The following MED27 variants were observed in gnomAD, a reference collection of about 807,000 sequenced individuals.
MED27 encodes the protein mediator of RNA polymerase II transcription subunit 27.
Under a neutral mutation model 38.2 loss-of-function variants are expected in MED27, and 30 were observed. The observed-to-expected ratio is 0.79, with a 90% CI of 0.59 to 1.07. The LOEUF (loss-of-function observed/expected upper bound fraction) is 1.07. Among genes scored for constraint, MED27 ranks in the 50% least tolerant of loss-of-function variants. MED27 has a pLI of 0.00. For missense variants in MED27, 289 were observed against 397.5 expected, an observed-to-expected ratio of 0.73 and a Z score of 2.32; for synonymous variants, 122 against 153.5, an observed-to-expected ratio of 0.79 and a Z score of 1.52.
chr9:132,071,779 C>T (rs938927554), intron 2 of MED27, among the ~76,000 whole-genome samples: 1 of 151,710 alleles, frequency 6.6e-6, no homozygotes. Flanking sequence ...TAACACACGT[C>T]CATGAACGAG....
At position 131,889,759 on chromosome 9, in the gene MED27, T is replaced by C. The variant is rs1489869156; in HGVS notation, c.681+4126A>G. Among the ~76,000 whole-genome samples the C allele has an allele frequency of 6.6e-6, 1 of 152,144 alleles. No homozygotes were observed. Among genetic ancestry groups the C allele is most frequent in the African/African-American group, 2.4e-5 (1 of 41,422 alleles). ...ACAGCAGCAAGAAGGATAATGAAAC[T>C]TTCGAATGTGCTGGTTGCTTTGGGC... is the stretch of plus-strand genomic sequence containing the variant. On this transcript the variant is annotated intron_variant, in intron 5 of 7. Coordinates refer to ENST00000292035, the MANE Select transcript of MED27 (RefSeq NM_004269.4). This position sits in a 1 kb window ranked among gnomAD's most constrained non-coding sequence, Gnocchi z 4.2.
intron 2 of MED27, among the ~76,000 whole-genome samples, chr9:132,062,165 A>C: frequency 6.6e-6 from 1 of 152,242 alleles, no homozygotes; most frequent in East Asian, 1.9e-4. Context: ...CATCTAACTG[A>C]AAGTGTTTTG....
At position 131,889,290 on chromosome 9, in the gene MED27, G is replaced by A. The variant is rs1396317770; in HGVS notation, c.681+4595C>T. Among the ~76,000 whole-genome samples, 1 of 152,162 alleles carries A rather than the reference G, an allele frequency of 6.6e-6. No homozygotes were observed. Among genetic ancestry groups the A allele is most frequent in the Non-Finnish European group, 1.5e-5 (1 of 68,034 alleles). On this transcript the variant is annotated intron_variant, in intron 5 of 7. Coordinates refer to ENST00000292035, the MANE Select transcript of MED27 (RefSeq NM_004269.4). This position sits in a 1 kb window ranked among gnomAD's most constrained non-coding sequence, Gnocchi z 4.2. ...CATTTCTTTTCCTCTCTTATGCTCG[G>A]AGGCTAAAAGCTGCCTTTTTTATTG... is the stretch of plus-strand genomic sequence containing the variant.
intron 2 of MED27, among the ~76,000 whole-genome samples, chr9:132,068,302 A>C (rs1018946732): frequency 5.9e-5 from 9 of 152,200 alleles, no homozygotes; most frequent in Admixed American, 5.2e-4. Context: ...AGCCGGCCAA[A>C]GGACTCGGGC....
At chr9:131,903,588 G>T (rs919749187) in intron 4 of MED27, among the ~76,000 whole-genome samples, 2 of 152,214 alleles carry the variant, frequency 1.3e-5, no homozygotes, top group African/African-American at 4.8e-5. Context: ...CGGCCCACAT[G>T]CACCTGGGCT....
chr9:131,967,514 G>A (rs1230021190), intron 3 of MED27, among the ~76,000 whole-genome samples: 1 of 149,734 alleles, frequency 6.7e-6, no homozygotes, highest in Non-Finnish European at 1.5e-5. Flanking sequence ...GTTTTGAGAT[G>A]GAGTTTCGCT....
At chr9:131,914,408 C>T (rs1190798670) in intron 4 of MED27, among the ~76,000 whole-genome samples, 1 of 152,132 alleles carries the variant, frequency 6.6e-6, no homozygotes, top group Non-Finnish European at 1.5e-5. Context: ...CTGTGCAGTA[C>T]CTTCCTCTGA....
chr9:131,939,495 C>A, intron 3 of MED27, 21 bp from the exon 4 acceptor site: 1 of 1,504,902 alleles, frequency 6.6e-7, no homozygotes, highest in Non-Finnish European at 9.1e-7. Flanking sequence ...AAAAAATAAA[C>A]ATGTGTGAAC....
chr9:131,991,359 T>C (rs1355621919), intron 3 of MED27, among the ~76,000 whole-genome samples: 2 of 152,212 alleles, frequency 1.3e-5, no homozygotes, highest in African/African-American at 4.8e-5. Context: ...CTAATTTCAT[T>C]AGTTGCTGTA....
intron 2 of MED27, among the ~76,000 whole-genome samples, chr9:132,058,549 TGTTTGCTCCCCCTTCCA>T (rs1221572453): frequency 6.6e-6 from 1 of 152,238 alleles, no homozygotes; most frequent in Non-Finnish European, 1.5e-5. Flanking sequence ...AAGAAGGACA[TGTTTGCTCCCCCTTCCA>T]GTGCAATTGT....
At chr9:131,967,539 T>A (rs1348561907) in intron 3 of MED27, among the ~76,000 whole-genome samples, 1 of 151,942 alleles carries the variant, frequency 6.6e-6, no homozygotes, top group African/African-American at 2.4e-5. Flanking sequence ...TTGCCCAGGC[T>A]GGAGTGCAAT....
At chr9:132,061,508 T>C (rs1199991410) in intron 2 of MED27, among the ~76,000 whole-genome samples, 1 of 152,252 alleles carries the variant, frequency 6.6e-6, no homozygotes, top group Non-Finnish European at 1.5e-5. Context: ...TAAACTTTTA[T>C]AGAGCATAAC....
chr9:131,880,347 G>T (rs1839014675), intron 6 of MED27, among the ~76,000 whole-genome samples: 1 of 152,206 alleles, frequency 6.6e-6, no homozygotes, highest in Non-Finnish European at 1.5e-5. Flanking sequence ...TAGTTAGGAA[G>T]AGAGAGGACT....
chr9:131,930,630 CA>C (rs1459829704), intron 4 of MED27, among the ~76,000 whole-genome samples: 68 of 152,048 alleles, frequency 4.5e-4, no homozygotes, highest in African/African-American at 1.5e-3. Flanking sequence ...GTTCTTCAAT[CA>C]GAAAGAAAAG....
At chr9:132,059,750 AT>A in intron 2 of MED27, among the ~76,000 whole-genome samples, 1 of 152,346 alleles carries the variant, frequency 6.6e-6, no homozygotes, top group Middle Eastern at 3.4e-3. Flanking sequence ...CTGTCTGCTG[AT>A]TTGTGATACA....
At chr9:131,974,446 C>A (rs571620924) in intron 3 of MED27, among the ~76,000 whole-genome samples, 1 of 152,192 alleles carries the variant, frequency 6.6e-6, no homozygotes, top group African/African-American at 2.4e-5. Context: ...GTAGACTGAA[C>A]TTTTAATGAT....
intron 4 of MED27, among the ~76,000 whole-genome samples, chr9:131,927,734 C>G (rs1830508126): frequency 6.6e-6 from 1 of 152,150 alleles, no homozygotes; most frequent in African/African-American, 2.4e-5. Context: ...TTTAGATAAG[C>G]CAAGCTGAAA....
rs764840115 is a variant in MED27 at position 132,077,586 on chromosome 9, A to G, written c.204T>C (p.Asn68=). 1.9e-6 allele frequency: 3 copies of G among 1,613,982 alleles called. No individual in the cohort carries two copies. The highest frequency in any genetic ancestry group is 3.3e-5 in the Admixed American group (2 of 59,982). Residue 68 remains asparagine (N), a splice_region_variant and synonymous_variant, in exon 2 of 8, where the codon AAT becomes AAC. Transcript: ENST00000292035. ...DNLHSVNRDL[N]ELERLSNLVG... ...CCAGATTGCTCAGACGTTCCAGCTCACTGAAAAGCAAAGAGACAAGGCAAA... is the reference window on the plus strand; with the variant it reads ...CCAGATTGCTCAGACGTTCCAGCTCGCTGAAAAGCAAAGAGACAAGGCAAA...
chr9:132,064,258 G>C (rs1833761759), intron 2 of MED27, among the ~76,000 whole-genome samples: 1 of 152,186 alleles, frequency 6.6e-6, no homozygotes, highest in African/African-American at 2.4e-5. Flanking sequence ...CGGGAACCCA[G>C]CATACCCGGA....
Sources: gnomAD v4.1 joint callset for allele counts (sites outside exome capture counted in the v4.1 genomes callset) on GRCh38, gnomAD v4.1.1 for gene constraint, Gnocchi (gnomAD v3.1) non-coding constraint, MANE v1.5 for transcripts, NCBI Gene and HGNC (gene_info 2026-07-23, HGNC 2026-07-21) for gene names.